The following MMP20 variants were observed in gnomAD, a reference collection of about 807,000 sequenced individuals.
MMP20 encodes matrix metallopeptidase 20.
In MMP20, 50 loss-of-function variants were observed where a neutral mutation model predicts 51.8. That is an observed-to-expected ratio of 0.97 (90% confidence interval 0.77 to 1.22). The LOEUF is 1.22. Ranked by LOEUF, MMP20 falls within the 50% of genes most tolerant of loss-of-function variation. MMP20 has a pLI of 0.00. For synonymous variants in MMP20, 244 were observed against 216.2 expected (o/e 1.13, Z -1.13); for missense variants, 663 against 601.4 (o/e 1.10, Z -1.07).
intron 5 of MMP20, among the ~76,000 whole-genome samples, chr11:102,608,348 A>G (rs17098936): frequency 6.6e-6 from 1 of 152,150 alleles, no homozygotes; most frequent in Admixed American, 6.5e-5. Context: ...ATCCCTTATT[A>G]CCTTTTGGAA....
chr11:102,589,533 T>G (rs1005901986), intron 8 of MMP20, among the ~76,000 whole-genome samples: 4 of 152,216 alleles, frequency 2.6e-5, no homozygotes, highest in Admixed American at 1.3e-4. Flanking sequence ...GCATTTCACA[T>G]TTTTCCCTTT....
Position 102,601,376 on chromosome 11 carries a change from C to A in MMP20, c.953+5159G>T, listed in dbSNP as rs1859444637. On this transcript the variant is annotated intron_variant, in intron 6 of 9. Coordinates refer to ENST00000260228, the MANE Select transcript of MMP20 (RefSeq NM_004771.4). ...CTCGATCTCCTGACCTCGTGATCCG[C>A]CCGCCTCGGCCTCCCAAAGTGCTGG... is the stretch of plus-strand genomic sequence containing the variant. 5.3e-5 allele frequency among the ~76,000 whole-genome samples: 2 copies of A among 37,458 alleles called. 1 individual carries two copies. The highest frequency in any genetic ancestry group is 1.5e-4 in the Non-Finnish European group (2 of 13,262). The allele number at this position is 37,458 out of a possible 152,430, so 24.6% of individuals were successfully genotyped here.
At chr11:102,587,510 C>T (rs1295286879) in intron 8 of MMP20, among the ~76,000 whole-genome samples, 1 of 152,094 alleles carries the variant, frequency 6.6e-6, no homozygotes, top group Non-Finnish European at 1.5e-5. Context: ...TTGTTGATCT[C>T]TCTGGTTGTT....
chr11:102,602,854 G>A (rs1268829325), intron 6 of MMP20, among the ~76,000 whole-genome samples: 1 of 152,142 alleles, frequency 6.6e-6, no homozygotes, highest in Non-Finnish European at 1.5e-5. Flanking sequence ...TATGATAGAT[G>A]CAAATATAAT....
intron 9 of MMP20, among the ~76,000 whole-genome samples, chr11:102,578,651 G>T (rs372053742): frequency 6.6e-6 from 1 of 152,116 alleles, no homozygotes; most frequent in South Asian, 2.1e-4. Flanking sequence ...TAGGAGAATC[G>T]CTCGAATCTG....
At chr11:102,584,041 T>A (rs535256671) in intron 8 of MMP20, among the ~76,000 whole-genome samples, 42 of 152,290 alleles carry the variant, frequency 2.8e-4, no homozygotes, top group African/African-American at 9.6e-4. Flanking sequence ...TGATGGAGAT[T>A]TGGGTTGTTT....
At chr11:102,599,067 C>T (rs1356902704) in intron 6 of MMP20, among the ~76,000 whole-genome samples, 5 of 146,576 alleles carry the variant, frequency 3.4e-5, no homozygotes, top group African/African-American at 1.0e-4. Context: ...GGCTGGAGTG[C>T]AGCGGCGCAA....
At chr11:102,613,382 C>A (rs1859627919) in intron 2 of MMP20, among the ~76,000 whole-genome samples, 1 of 152,150 alleles carries the variant, frequency 6.6e-6, no homozygotes, top group Admixed American at 6.5e-5. Flanking sequence ...CTCTCTCTCT[C>A]TCTAGCTCCT....
chr11:102,606,524 C>G lies in MMP20; in HGVS notation c.953+11G>C, dbSNP rs1309766666. 2 of 1,613,630 alleles carry G rather than the reference C, an allele frequency of 1.2e-6. No homozygotes were observed. The highest frequency in any genetic ancestry group is 1.7e-5 in the Admixed American group (1 of 59,992). On this transcript the variant is annotated intron_variant, in intron 6 of 9. Transcript: ENST00000260228. ...GGCCCAATGAGAGTCGGTGGCGTGT[C>G]TGAGGCTTACCGGTCCTTGAAGAGC...
At chr11:102,581,721 G>A (rs1421072726) in intron 8 of MMP20, among the ~76,000 whole-genome samples, 1 of 152,172 alleles carries the variant, frequency 6.6e-6, no homozygotes, top group Non-Finnish European at 1.5e-5. Flanking sequence ...GAGACACAAT[G>A]TTCAATGAAA....
chr11:102,610,086 G>A (rs1013692517), intron 3 of MMP20, 56 bp from the exon 4 acceptor site: 3 of 1,598,498 alleles, frequency 1.9e-6, no homozygotes, highest in Non-Finnish European at 2.6e-6. Flanking sequence ...AATTCTGAGG[G>A]GCGCATCATA....
At chr11:102,594,864 G>T in intron 6 of MMP20, 107 bp from the exon 7 acceptor site, 1 of 1,399,270 alleles carries the variant, frequency 7.1e-7, no homozygotes, top group Non-Finnish European at 9.8e-7. Flanking sequence ...CTCACTAAAT[G>T]CCCTTTGCTC....
chr11:102,612,022 T>C, intron 2 of MMP20, 119 bp from the exon 3 acceptor site: 1 of 954,456 alleles, frequency 1.0e-6, no homozygotes, highest in African/African-American at 1.6e-5. Context: ...TTCTCTGAAA[T>C]AATAATTCTT....
intron 2 of MMP20, among the ~76,000 whole-genome samples, chr11:102,616,206 G>A (rs1859668149): frequency 6.6e-6 from 1 of 152,176 alleles, no homozygotes; most frequent in Non-Finnish European, 1.5e-5. Flanking sequence ...AGGCTCAGAT[G>A]TTACTGCTGG....
intron 2 of MMP20, among the ~76,000 whole-genome samples, chr11:102,615,680 A>G (rs573882259): frequency 6.6e-6 from 1 of 151,896 alleles, no homozygotes; most frequent in Non-Finnish European, 1.5e-5. Context: ...CCCTTCCTGC[A>G]CCCTCTGCTG....
At chr11:102,624,643 G>A (rs565876120) in intron 1 of MMP20, among the ~76,000 whole-genome samples, 21 of 152,088 alleles carry the variant, frequency 1.4e-4, no homozygotes, top group African/African-American at 4.8e-4. Context: ...TTACTTCATT[G>A]GGGAATATGC....
At chr11:102,608,157 G>A (rs973259161) in intron 5 of MMP20, 1 of 152,188 alleles carries the variant, frequency 6.6e-6, no homozygotes, top group Non-Finnish European at 1.5e-5. Context: ...GAGAAGCTCT[G>A]ATAATCAGAA....
chr11:102,588,632 A>C (rs757714067), intron 8 of MMP20, among the ~76,000 whole-genome samples: 4 of 152,262 alleles, frequency 2.6e-5, no homozygotes, highest in Non-Finnish European at 5.9e-5. Context: ...AGAATAAAGA[A>C]GAAGAAATAT....
At chr11:102,596,453 T>C (rs12796349) in intron 6 of MMP20, among the ~76,000 whole-genome samples, 5,473 of 152,256 alleles carry the variant, frequency 0.036, 147 homozygotes, top group Middle Eastern at 0.078. Context: ...GAGACCATTA[T>C]AAGGATAAAA....
Sources: allele counts gnomAD v4.1 joint callset (sites outside exome capture counted in the v4.1 genomes callset), GRCh38; gene constraint gnomAD v4.1.1; transcripts MANE v1.5; gene names NCBI Gene and HGNC (gene_info 2026-07-23, HGNC 2026-07-21).